The following LAMA1 variants were observed in gnomAD, a reference collection of about 807,000 sequenced individuals.
The protein encoded by LAMA1 is laminin subunit alpha 1, also known as laminin subunit alpha-1.
Under a neutral mutation model 348.7 loss-of-function variants are expected in LAMA1, and 219 were observed. The observed-to-expected ratio is 0.63, with a 90% CI of 0.56 to 0.70. The LOEUF (loss-of-function observed/expected upper bound fraction) is 0.70, where lower values mean the gene tolerates loss of function less well. Among genes scored for constraint, LAMA1 ranks in the 30% least tolerant of loss-of-function variants. The pLI is 0.00. For missense variants in LAMA1, 3,744 were observed against 3,888.0 expected, an observed-to-expected ratio of 0.96 and a Z score of 0.99; for synonymous variants, 1,487 against 1,491.0, an observed-to-expected ratio of 1.00 and a Z score of 0.06.
At chr18:7,030,720 A>C (rs2057964926) in intron 16 of LAMA1, among the ~76,000 whole-genome samples, 1 of 152,174 alleles carries the variant, frequency 6.6e-6, no homozygotes, top group South Asian at 2.1e-4. Flanking sequence ...TAGCATTATC[A>C]CTTTAATGTG....
At position 7,017,280 on chromosome 18, in the gene LAMA1, A is replaced by C. The variant is rs2057893394; in HGVS notation, c.2806T>G (p.Leu936Val). Residue 936 changes from leucine to valine, a missense_variant and splice_region_variant, in exon 20 of 63, where the codon TTG becomes GTG. Transcript: ENST00000389658. ...NVTGQQCDQC[L>V]HGYYGLDSGH... ...TCAATTAGTCACATGCATCTTACCA[A>C]GCACTGGTCACACTGCTGTCCAGTC... 2 of 1,611,460 alleles carry C rather than the reference A, an allele frequency of 1.2e-6. No individual in the cohort carries two copies. Among genetic ancestry groups the C allele is most frequent in the East Asian group, 4.5e-5 (2 of 44,884 alleles).
chr18:7,117,302 C>A (rs1598328060), intron 1 of LAMA1, among the ~76,000 whole-genome samples: 1 of 151,212 alleles, frequency 6.6e-6, no homozygotes, highest in Non-Finnish European at 1.5e-5. Flanking sequence ...TAAAAGCAAC[C>A]CCCGGCGCCC....
chr18:6,999,345 G>A, intron 32 of LAMA1, 100 bp downstream of exon 32: 1 of 1,146,098 alleles, frequency 8.7e-7, no homozygotes, highest in Non-Finnish European at 1.3e-6. Context: ...AAAATAGGAT[G>A]TTTTTATTCT....
chr18:7,050,486 G>A (rs1186784662), intron 4 of LAMA1, among the ~76,000 whole-genome samples: 2 of 152,226 alleles, frequency 1.3e-5, no homozygotes, highest in South Asian at 2.1e-4. Context: ...GCAGAGTGAA[G>A]ACTGAGAGCC....
intron 47 of LAMA1, among the ~76,000 whole-genome samples, chr18:6,972,777 C>T (rs916608689): frequency 6.6e-6 from 1 of 152,194 alleles, no homozygotes; most frequent in Admixed American, 6.5e-5. Context: ...GCAACCTCCA[C>T]CTCCCAGGGT....
chr18:6,995,448 T>A lies in LAMA1; in HGVS notation c.4807-2A>T. 6.6e-7 allele frequency: 1 copy of A among 1,515,622 alleles called. No homozygotes were observed. Among genetic ancestry groups the A allele is most frequent in the Non-Finnish European group, 9.2e-7 (1 of 1,090,408 alleles). 93.9% of individuals were successfully genotyped at this position (1,515,622 alleles called of 1,614,324 possible). A position where few individuals can be genotyped will look rare whatever the true frequency, so the allele number is the denominator to read the frequency against. Reference sequence around the variant, plus strand: ...CATATTTTCTTTTAATAAAGATTCCTAGGAAGAATGGAGGAAACAAATTAC... The same window carrying A: ...CATATTTTCTTTTAATAAAGATTCCAAGGAAGAATGGAGGAAACAAATTAC... On this transcript the variant is annotated splice_acceptor_variant, in intron 33 of 62. Coordinates refer to ENST00000389658, the MANE Select transcript of LAMA1 (RefSeq NM_005559.4). LOFTEE classifies it high-confidence loss of function.
chr18:7,083,265 A>T (rs1303279844), intron 1 of LAMA1, among the ~76,000 whole-genome samples: 1 of 148,460 alleles, frequency 6.7e-6, no homozygotes, highest in East Asian at 2.0e-4. Flanking sequence ...GGCTCACTGC[A>T]ACCTCCACCT....
In LAMA1 at chr18:7,040,475, C is replaced by G. The variant is rs572490820; in HGVS notation, c.1262-239G>C. On this transcript the variant is annotated intron_variant, in intron 9 of 62. Coordinates refer to ENST00000389658, the MANE Select transcript of LAMA1 (RefSeq NM_005559.4). ...TTTATTCATAAGAACAGACAGTGTG[C>G]TGGATTTGGCCCATGGGCCATAGTT... Among the ~76,000 whole-genome samples the G allele has an allele frequency of 5.3e-5, 8 of 152,314 alleles. No homozygotes were observed. In the East Asian group the frequency reaches 7.7e-4, roughly 15 times the overall value.
In LAMA1 at chr18:6,961,772, G is replaced by A. The variant is rs376087939; in HGVS notation, c.7453-13C>T. 1.3e-4 allele frequency: 215 copies of A among 1,614,090 alleles called. No individual in the cohort carries two copies. In the Middle Eastern group the frequency reaches 2.1e-3, roughly 16 times the overall value. ...CACTCCGGATGGGCTGGACACAGAG[G>A]AGATGGAACAGCATGGTGAGTTCCT... On this transcript the variant is annotated splice_polypyrimidine_tract_variant and intron_variant, in intron 52 of 62. Transcript: ENST00000389658.
chr18:7,094,918 A>T (rs1297420983), intron 1 of LAMA1, among the ~76,000 whole-genome samples: 1 of 152,260 alleles, frequency 6.6e-6, no homozygotes, highest in African/African-American at 2.4e-5. Context: ...CTGAAAACCT[A>T]TAAACATTTT....
rs33951270 is a variant in LAMA1, at chr18:7,035,935, T to TC, written c.1839+51dup. ...CCTAGTAACTTTCAGTCATAAACTA[T>TC]CAGCCCACTAAGCCCTAAGCTCTAT... On this transcript the variant is annotated intron_variant, in intron 13 of 62. Transcript: ENST00000389658. 11,729 of 1,440,048 alleles carry TC rather than the reference T, an allele frequency of 8.1e-3. 804 individuals are homozygous for TC. In the African/African-American group the frequency reaches 0.15, roughly 18 times the overall value. The allele number at this position is 1,440,048 out of a possible 1,614,324, so 89.2% of individuals were successfully genotyped here.
chr18:6,980,135 G>A (rs894472991), intron 42 of LAMA1, among the ~76,000 whole-genome samples: 1 of 152,114 alleles, frequency 6.6e-6, no homozygotes, highest in African/African-American at 2.4e-5. Context: ...TCTTCAGTTC[G>A]CCACACTGAT....
At chr18:7,113,040 A>G (rs1352860242) in intron 1 of LAMA1, among the ~76,000 whole-genome samples, 2 of 152,238 alleles carry the variant, frequency 1.3e-5, no homozygotes, top group African/African-American at 4.8e-5. Flanking sequence ...CTGCAAAGCA[A>G]TGAACAGATA....
chr18:6,986,436 T>A, intron 36 of LAMA1, 89 bp from the exon 37 acceptor site: 1 of 1,158,512 alleles, frequency 8.6e-7, no homozygotes, highest in Non-Finnish European at 1.3e-6. Context: ...TTTACGTATT[T>A]ATGCCTAGTC....
chr18:6,948,586 G>C, intron 59 of LAMA1, 30 bp from the exon 60 acceptor site: 1 of 1,614,004 alleles, frequency 6.2e-7, no homozygotes, highest in Non-Finnish European at 8.5e-7. Context: ...AGAGTAGACA[G>C]TGGTGATTCT....
rs780567585 is a variant in LAMA1, at chr18:7,015,736, C to T, written c.3112G>A (p.Glu1038Lys). 6.2e-7 allele frequency: 1 copy of T among 1,614,008 alleles called. No individual in the cohort carries two copies. Among genetic ancestry groups the T allele is most frequent in the South Asian group, 1.1e-5 (1 of 91,072 alleles). Residue 1038 changes from glutamate (E) to lysine (K), a missense_variant, in exon 22 of 63, where the codon GAG becomes AAG. By Grantham distance (56) the Glu-to-Lys change is moderately conservative. Transcript: ENST00000389658. ...ACAGTGCTCACCTGGCACCCCACCT[C>T]CGCATCGTAGCCCCAGTGCCCATCC... is the stretch of plus-strand genomic sequence containing the variant. ...CEDGHWGYDA[E>K]VGCQACNCSL...
In LAMA1 at chr18:7,013,849, C is replaced by A. The variant is rs1184304767; in HGVS notation, c.3329G>T (p.Gly1110Val). 6.2e-7 allele frequency: 1 copy of A among 1,611,766 alleles called. No individual in the cohort carries two copies. Among genetic ancestry groups the A allele is most frequent in the South Asian group, 1.1e-5 (1 of 90,632 alleles). The change falls in exon 23 of 63, where the codon GGC (glycine) becomes GTC (valine). Residue 1110 changes from glycine (G) to valine (V), a missense_variant. By Grantham distance (109) the Gly-to-Val change is moderately radical. Transcript: ENST00000389658. ...GCAGGCCCCGGTTTCCTCCACACAG[C>A]CGCAGAGACCCTGCTCCAGGTTGCA... ...DACNLEQGLC[G>V]CVEETGACPC... is the part of the protein sequence containing the mutation.
chr18:7,029,790 T>C (rs1375651310), intron 16 of LAMA1, among the ~76,000 whole-genome samples: 3 of 152,164 alleles, frequency 2.0e-5, no homozygotes, highest in African/African-American at 7.2e-5. Context: ...CACAGACTTC[T>C]CCTTTGAATA....
intron 12 of LAMA1, 106 bp downstream of exon 12, chr18:7,037,472 C>G: frequency 7.9e-7 from 1 of 1,269,136 alleles, no homozygotes; most frequent in Non-Finnish European, 1.2e-6. Flanking sequence ...CTGTCCAACA[C>G]TCAGGTGCCC....
Sources: allele counts gnomAD v4.1 joint callset (sites outside exome capture counted in the v4.1 genomes callset), GRCh38; gene constraint gnomAD v4.1.1; transcripts MANE v1.5; gene names NCBI Gene and HGNC (gene_info 2026-07-23, HGNC 2026-07-21).